GLI3: variants seen among roughly 807,000 people sequenced by gnomAD.
GLI3 encodes GLI family zinc finger 3, also known as transcription activator GLI3.
In GLI3, 20 loss-of-function variants were observed where a neutral mutation model predicts 100.8. That is an observed-to-expected ratio of 0.20 (90% CI 0.14 to 0.29). GLI3 has a LOEUF of 0.29. Among genes scored for constraint, GLI3 ranks in the 10% least tolerant of loss-of-function variants. The pLI, the probability that GLI3 is intolerant of heterozygous loss-of-function variation, is 1.00. For synonymous variants in GLI3, 938 were observed against 860.5 expected, an observed-to-expected ratio of 1.09 and a Z score of -1.58; for missense variants, 2,040 against 2,128.5, an observed-to-expected ratio of 0.96 and a Z score of 0.82.
intron 2 of GLI3, among the ~76,000 whole-genome samples, chr7:42,210,227 G>C (rs560525352): frequency 6.6e-6 from 1 of 151,948 alleles, no homozygotes; most frequent in South Asian, 2.1e-4. Flanking sequence ...TAGGAGCTAG[G>C]CTTTCCTAGA....
chr7:42,117,048 G>A (rs1324261427), intron 3 of GLI3, among the ~76,000 whole-genome samples: 1 of 152,200 alleles, frequency 6.6e-6, no homozygotes, highest in Admixed American at 6.5e-5. Flanking sequence ...ACTTTAAATT[G>A]TAGGTAAACG....
chr7:42,260,599 A>C (rs1025431359), intron 1 of GLI3, among the ~76,000 whole-genome samples: 1 of 152,206 alleles, frequency 6.6e-6, no homozygotes, highest in Non-Finnish European at 1.5e-5. Context: ...TTATTATATA[A>C]TTAACAAAAC....
chr7:41,979,088 G>C (rs917493431), intron 10 of GLI3, among the ~76,000 whole-genome samples: 1 of 152,172 alleles, frequency 6.6e-6, no homozygotes, highest in Non-Finnish European at 1.5e-5. Flanking sequence ...AGCCACTGTT[G>C]ACCTTTCTGA....
chr7:42,164,849 T>C (rs903422343), intron 2 of GLI3, among the ~76,000 whole-genome samples: 14 of 147,852 alleles, frequency 9.5e-5, no homozygotes, highest in Non-Finnish European at 1.3e-4. Context: ...AATAAATAAA[T>C]AAAAATTAAA....
At chr7:42,145,094 T>C (rs1180718118) in intron 3 of GLI3, among the ~76,000 whole-genome samples, 3 of 152,156 alleles carry the variant, frequency 2.0e-5, no homozygotes, top group African/African-American at 4.8e-5. Context: ...TCATGGAAAA[T>C]TTATCACCTT....
intron 3 of GLI3, among the ~76,000 whole-genome samples, chr7:42,089,340 C>T (rs1240434580): frequency 1.3e-5 from 2 of 152,208 alleles, no homozygotes; most frequent in African/African-American, 4.8e-5. Flanking sequence ...CTGTTTCCAA[C>T]TGTTACTAAT....
rs1785410194 is a variant in GLI3, at chr7:42,099,392, C to A, written c.368-22535G>T. 2.0e-5 allele frequency among the ~76,000 whole-genome samples: 3 copies of A among 152,160 alleles called. No homozygotes were observed. The South Asian group carries it at 6.2e-4, about 31-fold the overall frequency. On this transcript the variant is annotated intron_variant, in intron 3 of 14. Transcript: ENST00000395925. ...CAACCAATGACTCATTCAATCAATA[C>A]ATGAAATAATTGAAATAGAGCATAC...
intron 3 of GLI3, among the ~76,000 whole-genome samples, chr7:42,139,599 A>G (rs1786516083): frequency 1.3e-5 from 2 of 152,184 alleles, no homozygotes; most frequent in African/African-American, 2.4e-5. Context: ...GAATCACTTG[A>G]ACCCGGGAAG....
chr7:42,092,970 C>T (rs899869229), intron 3 of GLI3, among the ~76,000 whole-genome samples: 10 of 151,826 alleles, frequency 6.6e-5, no homozygotes, highest in Admixed American at 2.0e-4. Context: ...CCCGCCACCA[C>T]GCCTGGCTAA....
chr7:42,241,596 C>A (rs1562799134), upstream of GLI3, among the ~76,000 whole-genome samples: 1 of 152,208 alleles, frequency 6.6e-6, no homozygotes, highest in Non-Finnish European at 1.5e-5. Flanking sequence ...GTGCATCGCA[C>A]ACGGGGCCCT....
At chr7:42,227,921 G>A (rs1004027006) in intron 1 of GLI3, among the ~76,000 whole-genome samples, 1 of 152,160 alleles carries the variant, frequency 6.6e-6, no homozygotes, top group Non-Finnish European at 1.5e-5. Context: ...CAGGTTGTAC[G>A]GGTATGGCCA....
At chr7:42,095,230 C>T (rs1274209024) in intron 3 of GLI3, among the ~76,000 whole-genome samples, 2 of 152,170 alleles carry the variant, frequency 1.3e-5, no homozygotes, top group Non-Finnish European at 2.9e-5. Context: ...CTCAGTAGGC[C>T]TGGGGTGGAG....
intron 3 of GLI3, among the ~76,000 whole-genome samples, chr7:42,082,555 G>A (rs1728687373): frequency 6.6e-6 from 1 of 152,146 alleles, no homozygotes; most frequent in Non-Finnish European, 1.5e-5. Context: ...GCCCCGCTGA[G>A]GACTTGCTGG....
intron 1 of GLI3, among the ~76,000 whole-genome samples, chr7:42,261,236 A>G (rs1006163933): frequency 4.7e-5 from 7 of 147,424 alleles, no homozygotes; most frequent in African/African-American, 1.7e-4. Flanking sequence ...ACACACACAG[A>G]GAGAGATTAT....
intron 2 of GLI3, among the ~76,000 whole-genome samples, chr7:42,167,608 A>AAG (rs926996170): frequency 3.3e-5 from 5 of 152,356 alleles, no homozygotes; most frequent in Admixed American, 1.3e-4. Context: ...CATACAGAGA[A>AAG]AGAGAGAGAG....
At chr7:41,980,121 A>G (rs918465413) in intron 10 of GLI3, among the ~76,000 whole-genome samples, 4 of 152,222 alleles carry the variant, frequency 2.6e-5, no homozygotes, top group Admixed American at 1.3e-4. Context: ...GATGAAGAGC[A>G]GAGAGAGAGT....
intron 3 of GLI3, among the ~76,000 whole-genome samples, chr7:42,127,448 T>C (rs1786161575): frequency 6.6e-6 from 1 of 152,206 alleles, no homozygotes; most frequent in South Asian, 2.1e-4. Context: ...CTTGCAAAAC[T>C]GTTTGCAGAC....
chr7:42,096,207 TC>T (rs974531764), intron 3 of GLI3, among the ~76,000 whole-genome samples: 1 of 152,128 alleles, frequency 6.6e-6, no homozygotes, highest in Non-Finnish European at 1.5e-5. Context: ...ATGTTTTGAC[TC>T]TGTTTGTTTA....
intron 1 of GLI3, among the ~76,000 whole-genome samples, chr7:42,258,221 C>T (rs923550402): frequency 1.3e-5 from 2 of 152,156 alleles, no homozygotes; most frequent in Admixed American, 6.5e-5. Context: ...AACAGGATAT[C>T]CAGGGCACCA....
Sources: gnomAD v4.1 joint callset for allele counts (sites outside exome capture counted in the v4.1 genomes callset) on GRCh38, gnomAD v4.1.1 for gene constraint, MANE v1.5 for transcripts, NCBI Gene and HGNC (gene_info 2026-07-23, HGNC 2026-07-21) for gene names.